RPL6: variants seen among roughly 807,000 people sequenced by gnomAD.
The protein encoded by RPL6 is ribosomal protein L6.
In RPL6, 1 loss-of-function variant was observed where a neutral mutation model predicts 32.1. The ratio of observed to expected loss-of-function variants is 0.03; its 90% CI spans 0.01 to 0.15. The LOEUF is 0.15. Among genes scored for constraint, RPL6 ranks in the 10% least tolerant of loss-of-function variants. The pLI is 1.00. For missense variants in RPL6, 275 were observed against 354.6 expected (o/e 0.78, Z 1.80); for synonymous variants, 126 against 131.6 (o/e 0.96, Z 0.29).
chr12:112,414,837 G>A (rs964750531), upstream of RPL6, among the ~76,000 whole-genome samples: 8 of 151,918 alleles, frequency 5.3e-5, no homozygotes, highest in East Asian at 1.9e-4. Context: ...CCCAGGAGGC[G>A]GTGCTTGCAG....
intron 1 of RPL6, among the ~76,000 whole-genome samples, chr12:112,415,496 T>C (rs2037396210): frequency 6.6e-6 from 1 of 152,076 alleles, no homozygotes; most frequent in Non-Finnish European, 1.5e-5. Flanking sequence ...GTGGATCACT[T>C]GAGGTCAGGA....
intron 3 of RPL6, chr12:112,407,342 C>T (rs1366209563): frequency 6.3e-6 from 1 of 158,250 alleles, no homozygotes; most frequent in Non-Finnish European, 1.4e-5. Context: ...AAGCCAGACA[C>T]TAGGACTGGC....
chr12:112,409,628 C>A, upstream of RPL6: 1 of 397,478 alleles, frequency 2.5e-6, no homozygotes, highest in South Asian at 1.3e-4. Context: ...GGCTTCCGGT[C>A]TATAAGCAAT....
chr12:112,414,418 A>G (rs1308048539), upstream of RPL6, among the ~76,000 whole-genome samples: 1 of 152,244 alleles, frequency 6.6e-6, no homozygotes, highest in East Asian at 1.9e-4. Flanking sequence ...GCACTCAAAG[A>G]GCTAATAGTT....
intron 1 of RPL6, chr12:112,409,046 G>GT: frequency 4.1e-6 from 1 of 242,092 alleles, no homozygotes; most frequent in Non-Finnish European, 7.8e-6. Flanking sequence ...CTTACTTTCA[G>GT]TACCTTTCGT....
At chr12:112,415,486 G>C (rs1313202750) in intron 1 of RPL6, among the ~76,000 whole-genome samples, 1 of 152,182 alleles carries the variant, frequency 6.6e-6, no homozygotes, top group Non-Finnish European at 1.5e-5. Flanking sequence ...GCTGAGGTGG[G>C]TGGATCACTT....
At chr12:112,405,517 TG>T in intron 6 of RPL6, 141 bp from the exon 7 acceptor site, 1 of 895,474 alleles carries the variant, frequency 1.1e-6, no homozygotes, top group Non-Finnish European at 1.7e-6. Context: ...ATCCTTTCCT[TG>T]GAATGCTGTG....
chr12:112,413,577 T>C (rs915836238), upstream of RPL6, among the ~76,000 whole-genome samples: 23 of 151,858 alleles, frequency 1.5e-4, no homozygotes, highest in Non-Finnish European at 1.6e-4. Flanking sequence ...TAATTCAGAT[T>C]GAGGTTTTTT....
At chr12:112,411,851 A>G (rs1245817664), upstream of RPL6, among the ~76,000 whole-genome samples, 1 of 151,838 alleles carries the variant, frequency 6.6e-6, no homozygotes, top group South Asian at 2.1e-4. Context: ...CACTTTAATC[A>G]CAAAGCAGAC....
chr12:112,417,446 G>A (rs975942278), intron 1 of RPL6, among the ~76,000 whole-genome samples: 1 of 151,434 alleles, frequency 6.6e-6, no homozygotes, highest in Non-Finnish European at 1.5e-5. Flanking sequence ...ATTATTCCCA[G>A]ACCAGAATAC....
upstream of RPL6, chr12:112,410,300 G>T: frequency 3.5e-6 from 1 of 285,830 alleles, no homozygotes; most frequent in South Asian, 4.2e-5. Flanking sequence ...GATTAGGTCA[G>T]TGGTCCCCTC....
At chr12:112,414,128 T>C (rs988070355), upstream of RPL6, among the ~76,000 whole-genome samples, 1 of 152,160 alleles carries the variant, frequency 6.6e-6, no homozygotes, top group Non-Finnish European at 1.5e-5. Context: ...GTTTGAAGAG[T>C]ATTCCAGGCA....
At chr12:112,411,918 C>T (rs1443860204), upstream of RPL6, among the ~76,000 whole-genome samples, 4 of 150,332 alleles carry the variant, frequency 2.7e-5, no homozygotes, top group East Asian at 1.9e-4. Context: ...CTTGCTCTGT[C>T]GCCCAGGCTG....
At chr12:112,406,368 G>C (rs1430997560) in intron 4 of RPL6, 26 bp from the exon 5 acceptor site, 1 of 1,596,808 alleles carries the variant, frequency 6.3e-7, no homozygotes, top group Non-Finnish European at 8.6e-7. Flanking sequence ...AAAATAATTA[G>C]TTTTCTGCAA....
At chr12:112,408,795 A>T in intron 1 of RPL6, 139 bp from the exon 2 acceptor site, 1 of 712,508 alleles carries the variant, frequency 1.4e-6, no homozygotes, top group South Asian at 1.9e-5. Flanking sequence ...CCTTCCTCTC[A>T]AACTCTACCC....
chr12:112,409,271 C>A (rs1038270713), intron 1 of RPL6: 1 of 389,502 alleles, frequency 2.6e-6, no homozygotes, highest in Non-Finnish European at 4.5e-6. Context: ...GAACCCAGGA[C>A]CAGGAACACA....
intron 3 of RPL6, chr12:112,407,769 A>T (rs2037219056): frequency 6.3e-6 from 1 of 159,494 alleles, no homozygotes; most frequent in Non-Finnish European, 1.4e-5. Context: ...TTTGAGATGA[A>T]GCCTCCCTCT....
chr12:112,406,978 CT>C, intron 3 of RPL6, 88 bp from the exon 4 acceptor site: 2 of 1,347,252 alleles, frequency 1.5e-6, no homozygotes, highest in Non-Finnish European at 2.1e-6. Context: ...TTGCTACAGC[CT>C]TTTTATTTTA....
chr12:112,405,603 G>A (rs2037137439), intron 6 of RPL6: 2 of 614,010 alleles, frequency 3.3e-6, no homozygotes, highest in Non-Finnish European at 5.6e-6. Context: ...TCAAGGATAA[G>A]TAAGGGCACA....
Sources: gnomAD v4.1 joint callset for allele counts (sites outside exome capture counted in the v4.1 genomes callset) on GRCh38, gnomAD v4.1.1 for gene constraint, MANE v1.5 for transcripts, NCBI Gene and HGNC (gene_info 2026-07-23, HGNC 2026-07-21) for gene names.